The following ARRDC3 variants were observed in gnomAD, a reference collection of about 807,000 sequenced individuals.
ARRDC3 encodes arrestin domain containing 3.
A neutral mutation model predicts 47.2 loss-of-function variants in ARRDC3; 10 were observed. That is an observed-to-expected ratio of 0.21 (90% CI 0.13 to 0.36). The LOEUF is 0.36. ARRDC3 is among the 10% of genes least tolerant of loss of function. The probability of loss-of-function intolerance (pLI) is 1.00; values close to 1 mark genes in which losing one functional copy is unlikely to be tolerated. For synonymous variants in ARRDC3, 156 were observed against 178.3 expected, an observed-to-expected ratio of 0.87 and a Z score of 1.00; for missense variants, 381 against 503.6, an observed-to-expected ratio of 0.76 and a Z score of 2.33.
At chr5:91,379,245 GAATA>G (rs964687411) in intron 1 of ARRDC3, among the ~76,000 whole-genome samples, 4 of 109,436 alleles carry the variant, frequency 3.7e-5, no homozygotes, top group Admixed American at 2.3e-4. Context: ...GATGTGAATA[GAATA>G]GATACTCCAA....
chr5:91,375,500 C>T lies in ARRDC3; in HGVS notation c.613+11G>A, dbSNP rs1370402468. 5 of 1,577,696 alleles carry T rather than the reference C, an allele frequency of 3.2e-6. No homozygotes were observed. The highest frequency in any genetic ancestry group is 2.3e-5 in the East Asian group (1 of 44,258). On this transcript the variant is annotated intron_variant, in intron 4 of 7. Coordinates refer to ENST00000265138, the MANE Select transcript of ARRDC3 (RefSeq NM_020801.4). ...AGAAAAGTTTTTTGTGGGAATCTAC[C>T]TCTTACATACCTGGGGTATAGCCCT...
intron 7 of ARRDC3, among the ~76,000 whole-genome samples, chr5:91,371,911 G>A (rs750819006): frequency 2.3e-4 from 35 of 151,988 alleles, no homozygotes; most frequent in Non-Finnish European, 4.7e-4. Flanking sequence ...AAATGAAATC[G>A]TATAAACAAT....
rs762275340 is a variant in ARRDC3, at chr5:91,382,895, G to A, written c.198C>T (p.Gly66=). The change falls in exon 1 of 8, where the codon GGC becomes GGT. Residue 66 remains glycine, a synonymous_variant. Transcript: ENST00000265138. ...AATTCTGTGTATAGGCAGTATTGGA[G>A]CCGGCGTTTCTAGATTCAGTCCAGC... ...KVRWTESRNA[G]SNTAYTQNYT... 4.3e-6 allele frequency: 7 copies of A among 1,614,094 alleles called. No homozygotes were observed. In the South Asian group the frequency reaches 5.5e-5, roughly 13 times the overall value.
intron 5 of ARRDC3, 94 bp from the exon 6 acceptor site, chr5:91,374,370 A>G: frequency 9.1e-7 from 1 of 1,094,748 alleles, no homozygotes; most frequent in Non-Finnish European, 1.3e-6. Context: ...TGAAACCCCC[A>G]TTTACTTCAT....
In ARRDC3 at chr5:91,374,146, C is replaced by A. The variant is rs1799245087; in HGVS notation, c.1001G>T (p.Trp334Leu). The change falls in exon 6 of 8, where the codon TGG (tryptophan) becomes TTG (leucine). Residue 334 changes from tryptophan to leucine, a missense_variant. Trp to Leu is a moderately conservative substitution (Grantham distance 61). Transcript: ENST00000265138. Reference protein sequence around the residue: ...VSSQCSMNMNWLSLSLPERPE... With the variant: ...VSSQCSMNMNLLSLSLPERPE... ...TCTTTCAGGAAGTGATAAACTGAGC[C>A]AGTTCATATTCATGCTACACTGACT... 1 of 1,613,792 alleles carries A rather than the reference C, an allele frequency of 6.2e-7. No homozygotes were observed. Among genetic ancestry groups the A allele is most frequent in the Non-Finnish European group, 8.5e-7 (1 of 1,179,888 alleles).
rs577932793 is a variant in ARRDC3, at chr5:91,371,119, C to A, written c.*281G>T. 2.9e-6 allele frequency: 1 copy of A among 342,114 alleles called. No individual in the cohort carries two copies. Among genetic ancestry groups the A allele is most frequent in the Non-Finnish European group, 5.3e-6 (1 of 189,414 alleles). The allele number at this position is 342,114 out of a possible 1,614,324, so 21.2% of individuals were successfully genotyped here. Reference sequence around the variant, plus strand: ...AGAAGGAAATCATCCCTCTTTACAACGTGATGTCTTGACACGTACGACCAT... The same window carrying A: ...AGAAGGAAATCATCCCTCTTTACAAAGTGATGTCTTGACACGTACGACCAT... On this transcript the variant is annotated 3_prime_UTR_variant, in exon 8 of 8. Coordinates refer to ENST00000265138, the MANE Select transcript of ARRDC3 (RefSeq NM_020801.4).
Position 91,371,299 on chromosome 5 carries a change from T to C in ARRDC3, c.*101A>G. On this transcript the variant is annotated 3_prime_UTR_variant, in exon 8 of 8. Coordinates refer to ENST00000265138, the MANE Select transcript of ARRDC3 (RefSeq NM_020801.4). ...TCGCCATTTTTCTGGGCAAAAGTAA[T>C]TCCACTTCCTCTGAAACGTGTCTCC... The C allele has an allele frequency of 1.9e-6, 2 of 1,067,682 alleles. No individual in the cohort carries two copies. The highest frequency in any genetic ancestry group is 2.8e-6 in the Non-Finnish European group (2 of 726,618). 66.1% of individuals were successfully genotyped at this position (1,067,682 alleles called of 1,614,324 possible). A position where few individuals can be genotyped will look rare whatever the true frequency, so the allele number is the denominator to read the frequency against.
rs1799130497 is a variant in ARRDC3, at chr5:91,369,925, AGT to A, written c.*1473_*1474del. The A allele has an allele frequency of 6.6e-6, 1 of 152,216 alleles. No homozygotes were observed. The highest frequency in any genetic ancestry group is 6.5e-5 in the Admixed American group (1 of 15,278). The allele number at this position is 152,216 out of a possible 1,614,324, so 9.4% of individuals were successfully genotyped here. Reference sequence around the variant, plus strand: ...TCCTATGTAATCTATACATAATCAAAGTGAGTGATTTCTCATGTTTAGCAAAT... The same window carrying A: ...TCCTATGTAATCTATACATAATCAAAGAGTGATTTCTCATGTTTAGCAAAT... On this transcript the variant is annotated 3_prime_UTR_variant, in exon 8 of 8. Transcript: ENST00000265138.
chr5:91,383,225 T>A lies in ARRDC3; in HGVS notation c.-133A>T. 1.2e-6 allele frequency: 1 copy of A among 805,576 alleles called. No individual in the cohort carries two copies. The highest frequency in any genetic ancestry group is 1.9e-6 in the Non-Finnish European group (1 of 528,642). 49.9% of individuals were successfully genotyped at this position (805,576 alleles called of 1,614,324 possible). A position where few individuals can be genotyped will look rare whatever the true frequency, so the allele number is the denominator to read the frequency against. Reference sequence around the variant, plus strand: ...CTTGCAGGCCGGATCAGTGATTCTCTACAAATAGTTCATTGAGATTTCTTA... The same window carrying A: ...CTTGCAGGCCGGATCAGTGATTCTCAACAAATAGTTCATTGAGATTTCTTA... On this transcript the variant is annotated 5_prime_UTR_variant, in exon 1 of 8. An upstream open reading frame in the 5' UTR loses its in-frame stop. Transcript: ENST00000265138.
chr5:91,379,599 T>C (rs2127075160), intron 1 of ARRDC3, among the ~76,000 whole-genome samples: 1 of 152,284 alleles, frequency 6.6e-6, no homozygotes, highest in Middle Eastern at 3.4e-3. Flanking sequence ...CCAATTTTTT[T>C]GGTGAAATTA....
chr5:91,380,214 GCGCCGC>G (rs989551533), intron 1 of ARRDC3: 1 of 164,084 alleles, frequency 6.1e-6, no homozygotes, highest in Non-Finnish European at 1.3e-5. Flanking sequence ...GCCTGCCCGC[GCGCCGC>G]CGCCGCCGCC....
Position 91,371,193 on chromosome 5 carries a change from C to A in ARRDC3, c.*207G>T. 1 of 553,800 alleles carries A rather than the reference C, an allele frequency of 1.8e-6. No individual in the cohort carries two copies. The allele number at this position is 553,800 out of a possible 1,614,324, so 34.3% of individuals were successfully genotyped here. Reference sequence around the variant, plus strand: ...ATGTGCCAGTTTTAAAAGAGAAAAGCTTAGATCTTCAAGCATGTTGGAGCA... The same window carrying A: ...ATGTGCCAGTTTTAAAAGAGAAAAGATTAGATCTTCAAGCATGTTGGAGCA... On this transcript the variant is annotated 3_prime_UTR_variant, in exon 8 of 8. Transcript: ENST00000265138.
intron 1 of ARRDC3, chr5:91,380,044 C>G (rs1296424359): frequency 6.6e-6 from 1 of 152,220 alleles, no homozygotes; most frequent in Non-Finnish European, 1.5e-5. Context: ...CCTTCCTTTC[C>G]CTTTCTTCCC....
At chr5:91,380,397 G>T in intron 1 of ARRDC3, 1 of 152,368 alleles carries the variant, frequency 6.6e-6, no homozygotes, top group South Asian at 2.0e-4. Context: ...GGGCCACTCT[G>T]ACACCTTTAG....
Position 91,369,654 on chromosome 5 carries a change from G to A in ARRDC3, c.*1746C>T, listed in dbSNP as rs1799123277. ...TTTTCAGCCACTTTATTAACTGTGG[G>A]GTTAAATGGCAGGATAGATGTAACA... is the stretch of plus-strand genomic sequence containing the variant. On this transcript the variant is annotated 3_prime_UTR_variant, in exon 8 of 8. Coordinates refer to ENST00000265138, the MANE Select transcript of ARRDC3 (RefSeq NM_020801.4). 1 of 152,098 alleles carries A rather than the reference G, an allele frequency of 6.6e-6. No homozygotes were observed. The highest frequency in any genetic ancestry group is 2.4e-5 in the African/African-American group (1 of 41,292). The allele number at this position is 152,098 out of a possible 1,614,324, so 9.4% of individuals were successfully genotyped here.
chr5:91,375,185 AG>A lies in ARRDC3; in HGVS notation c.614-8del, dbSNP rs1250880583. On this transcript the variant is annotated splice_region_variant and splice_polypyrimidine_tract_variant and intron_variant, in intron 4 of 7. Coordinates refer to ENST00000265138, the MANE Select transcript of ARRDC3 (RefSeq NM_020801.4). ...AATATCTGAATTGATTCACCTAGAG[AG>A]GGAAAAATATATACATATCTACTGT... 1 of 1,610,578 alleles carries A rather than the reference AG, an allele frequency of 6.2e-7. No homozygotes were observed. Among genetic ancestry groups the A allele is most frequent in the Non-Finnish European group, 8.5e-7 (1 of 1,179,036 alleles).
intron 1 of ARRDC3, among the ~76,000 whole-genome samples, chr5:91,382,094 T>C (rs775592392): frequency 2.0e-5 from 3 of 152,220 alleles, no homozygotes; most frequent in African/African-American, 7.2e-5. Context: ...ATGGGTTTCA[T>C]TGAATGCACG....
intron 2 of ARRDC3, among the ~76,000 whole-genome samples, 198 bp downstream of exon 2, chr5:91,378,496 A>G (rs1799357842): frequency 6.6e-6 from 1 of 152,112 alleles, no homozygotes; most frequent in South Asian, 2.1e-4. Context: ...CTGAAAATTG[A>G]GTATGCTTTC....
chr5:91,376,688 A>G lies in ARRDC3; in HGVS notation c.443T>C (p.Leu148Pro). ...VKAELHRPWL[L>P]PVKLKKEFTV... is the part of the protein sequence containing the mutation. The stretch of plus-strand genomic sequence containing the variant: ...AAATTCCTTCTTTAATTTTACTGGT[A>G]GTAGCCAAGGCCTGTGCAATTCGGC... Residue 148 changes from leucine (L) to proline (P), a missense_variant, in exon 3 of 8, where the codon CTA becomes CCA. By Grantham distance (98) the Leu-to-Pro change is moderately conservative. Coordinates refer to ENST00000265138, the MANE Select transcript of ARRDC3 (RefSeq NM_020801.4). 6.2e-7 allele frequency: 1 copy of G among 1,613,882 alleles called. No homozygotes were observed.
Sources: gnomAD v4.1 joint callset for allele counts (sites outside exome capture counted in the v4.1 genomes callset) on GRCh38, gnomAD v4.1.1 for gene constraint, MANE v1.5 for transcripts, NCBI Gene and HGNC (gene_info 2026-07-23, HGNC 2026-07-21) for gene names.